AKAP6: variants seen among roughly 807,000 people sequenced by gnomAD.
AKAP6 encodes the protein A-kinase anchoring protein 6.
AKAP6 carries 58 observed loss-of-function variants against 188.5 expected under a neutral mutation model. The observed-to-expected ratio is 0.31, with a 90% CI of 0.25 to 0.38. AKAP6 has a LOEUF of 0.38. Among genes scored for constraint, AKAP6 ranks in the 10% least tolerant of loss-of-function variants. The pLI is 1.00. For synonymous variants in AKAP6, 989 were observed against 998.6 expected, an observed-to-expected ratio of 0.99 and a Z score of 0.18; for missense variants, 2,710 against 2,740.0, an observed-to-expected ratio of 0.99 and a Z score of 0.24.
At chr14:32,589,810 T>G (rs935198025) in intron 5 of AKAP6, among the ~76,000 whole-genome samples, 1 of 152,162 alleles carries the variant, frequency 6.6e-6, no homozygotes, top group Non-Finnish European at 1.5e-5. Flanking sequence ...TAGGGCAGTA[T>G]TATACAAAGC....
chr14:32,561,866 T>C (rs1594745335), intron 4 of AKAP6, among the ~76,000 whole-genome samples: 1 of 152,212 alleles, frequency 6.6e-6, no homozygotes, highest in Non-Finnish European at 1.5e-5. Flanking sequence ...AGACTTGTCA[T>C]TGTGATGCCT....
At chr14:32,338,238 G>C (rs563874954) in intron 1 of AKAP6, among the ~76,000 whole-genome samples, 2 of 151,990 alleles carry the variant, frequency 1.3e-5, no homozygotes, top group African/African-American at 4.8e-5. Flanking sequence ...GTTTTTCTCT[G>C]GTTCTTAGAC....
chr14:32,362,293 G>A (rs1566464532), intron 1 of AKAP6, among the ~76,000 whole-genome samples: 1 of 152,236 alleles, frequency 6.6e-6, no homozygotes, highest in South Asian at 2.1e-4. Flanking sequence ...ACTTGTGTGC[G>A]TTACAAAGAT....
chr14:32,566,978 G>A lies in AKAP6; in HGVS notation c.2347-10142G>A, dbSNP rs192336139. Among the ~76,000 whole-genome samples the A allele has an allele frequency of 3.9e-5, 6 of 152,072 alleles. No individual in the cohort carries two copies. In the East Asian group the frequency reaches 5.8e-4, roughly 15 times the overall value. On this transcript the variant is annotated intron_variant, in intron 4 of 13. Transcript: ENST00000280979. ...CTTGCTCTGTCACCCAGGCTAGAGCGCAGTAGTGAATCAGAGCTCCTGCAG... is the reference window on the plus strand; with the variant it reads ...CTTGCTCTGTCACCCAGGCTAGAGCACAGTAGTGAATCAGAGCTCCTGCAG...
chr14:32,713,946 A>G (rs551480484), intron 9 of AKAP6, among the ~76,000 whole-genome samples: 1 of 152,164 alleles, frequency 6.6e-6, no homozygotes, highest in Admixed American at 6.6e-5. Flanking sequence ...AGACTATCTC[A>G]GCTTTTTACC....
chr14:32,791,980 A>G (rs2033623935), intron 12 of AKAP6, among the ~76,000 whole-genome samples: 1 of 151,962 alleles, frequency 6.6e-6, no homozygotes, highest in Non-Finnish European at 1.5e-5. Context: ...ATTGGTCTAT[A>G]TCTCTGTTTT....
At chr14:32,398,876 G>T (rs1888981943) in intron 1 of AKAP6, among the ~76,000 whole-genome samples, 4 of 97,234 alleles carry the variant, frequency 4.1e-5, no homozygotes, top group African/African-American at 8.4e-5. Context: ...TTTTTTGATG[G>T]AGTCTTTCTC....
intron 2 of AKAP6, among the ~76,000 whole-genome samples, chr14:32,469,861 T>C (rs17099169): frequency 0.015 from 2,328 of 152,286 alleles, 55 homozygotes; most frequent in African/African-American, 0.053. Context: ...TCAGAACTGA[T>C]GCTTGACATG....
At chr14:32,393,592 A>T (rs1888780999) in intron 1 of AKAP6, among the ~76,000 whole-genome samples, 1 of 152,142 alleles carries the variant, frequency 6.6e-6, no homozygotes, top group Admixed American at 6.6e-5. Context: ...GTTGTATAAG[A>T]TGTTGCATTC....
intron 4 of AKAP6, among the ~76,000 whole-genome samples, chr14:32,551,961 C>T (rs900600536): frequency 1.6e-4 from 24 of 152,072 alleles, no homozygotes; most frequent in African/African-American, 5.3e-4. Context: ...CCACCACGCC[C>T]GGCCTACATT....
intron 1 of AKAP6, among the ~76,000 whole-genome samples, chr14:32,372,647 T>C (rs1210454694): frequency 6.6e-6 from 1 of 152,000 alleles, no homozygotes; most frequent in Non-Finnish European, 1.5e-5. Context: ...CATTAAATTA[T>C]TAATTGGCAA....
rs1330289996 is a variant in AKAP6, at chr14:32,833,530, A to C, written c.*3725A>C. On this transcript the variant is annotated 3_prime_UTR_variant, in exon 14 of 14. Transcript: ENST00000280979. The stretch of plus-strand genomic sequence containing the variant: ...GTCACTGAATAAATATGCATCTTAT[A>C]CAACACAGAACAACCTAAATTTAGG... The C allele has an allele frequency of 6.6e-6, 1 of 152,230 alleles. No homozygotes were observed. The highest frequency in any genetic ancestry group is 1.5e-5 in the Non-Finnish European group (1 of 68,048). 9.4% of individuals were successfully genotyped at this position (152,230 alleles called of 1,614,324 possible).
chr14:32,747,933 A>C (rs1021955463), intron 11 of AKAP6, among the ~76,000 whole-genome samples: 1 of 152,196 alleles, frequency 6.6e-6, no homozygotes, highest in African/African-American at 2.4e-5. Context: ...TGGTGTTTGC[A>C]CTGCTGCTGT....
intron 8 of AKAP6, among the ~76,000 whole-genome samples, chr14:32,694,614 CAT>C (rs1399497502): frequency 1.3e-5 from 2 of 152,132 alleles, no homozygotes; most frequent in African/African-American, 2.4e-5. Context: ...ATAAACTCCA[CAT>C]GTTAGCCAAT....
At chr14:32,436,128 C>T (rs746839591) in intron 2 of AKAP6, among the ~76,000 whole-genome samples, 1 of 152,174 alleles carries the variant, frequency 6.6e-6, no homozygotes. Context: ...GGATGGCCAG[C>T]TGTGATGGGG....
At chr14:32,631,321 G>A (rs1887264312) in intron 7 of AKAP6, among the ~76,000 whole-genome samples, 1 of 152,004 alleles carries the variant, frequency 6.6e-6, no homozygotes, top group South Asian at 2.1e-4. Context: ...AACTCATGAT[G>A]TTATAATGAC....
At chr14:32,714,995 A>C (rs898005322) in intron 9 of AKAP6, among the ~76,000 whole-genome samples, 1 of 151,984 alleles carries the variant, frequency 6.6e-6, no homozygotes, top group Admixed American at 6.6e-5. Context: ...ACCTAGTGAC[A>C]GGCAATCACT....
intron 4 of AKAP6, among the ~76,000 whole-genome samples, chr14:32,576,336 CTT>C (rs1884717103): frequency 6.6e-6 from 1 of 152,108 alleles, no homozygotes; most frequent in Non-Finnish European, 1.5e-5. Flanking sequence ...ATTTCTTTCA[CTT>C]AGGTTTGCAG....
intron 2 of AKAP6, among the ~76,000 whole-genome samples, chr14:32,492,353 T>TAGAGAGAGAGAGAGAG (rs779414935): frequency 3.8e-5 from 2 of 52,260 alleles, no homozygotes; most frequent in African/African-American, 8.8e-5. Context: ...TATATATATA[T>TAGAGAGAGAGAGAGAG]ATAGAGAGAG....
Sources: allele counts gnomAD v4.1 joint callset (sites outside exome capture counted in the v4.1 genomes callset), GRCh38; gene constraint gnomAD v4.1.1; transcripts MANE v1.5; gene names NCBI Gene and HGNC (gene_info 2026-07-23, HGNC 2026-07-21).